Variants in ZCCHC2 observed in about 807,000 individuals in gnomAD.
The protein encoded by ZCCHC2 is zinc finger CCHC domain-containing protein 2.
In ZCCHC2, 39 loss-of-function variants were observed where a neutral mutation model predicts 103.6. The ratio of observed to expected loss-of-function variants is 0.38; its 90% CI spans 0.29 to 0.49. ZCCHC2 has a LOEUF of 0.49. Ranked by LOEUF, ZCCHC2 falls within the 20% of genes least tolerant of loss-of-function variation. The probability of loss-of-function intolerance (pLI) is 0.96; values close to 1 mark genes in which losing one functional copy is unlikely to be tolerated. For synonymous variants in ZCCHC2, 687 were observed against 608.9 expected (o/e 1.13, Z -1.89); for missense variants, 1,483 against 1,491.0 (o/e 0.99, Z 0.09).
At chr18:62,565,468 A>G (rs886469653) in intron 11 of ZCCHC2, among the ~76,000 whole-genome samples, 1 of 152,110 alleles carries the variant, frequency 6.6e-6, no homozygotes, top group African/African-American at 2.4e-5. Context: ...TGTGTAAAGT[A>G]TTTTTTAGAA....
intron 7 of ZCCHC2, among the ~76,000 whole-genome samples, chr18:62,560,024 CAT>C (rs1271268818): frequency 7.9e-5 from 12 of 152,228 alleles, no homozygotes; most frequent in African/African-American, 2.9e-4. Flanking sequence ...TATATTGAAA[CAT>C]GTAACAGCTA....
intron 1 of ZCCHC2, among the ~76,000 whole-genome samples, chr18:62,535,709 C>G (rs1339275398): frequency 6.6e-6 from 1 of 152,196 alleles, no homozygotes; most frequent in Non-Finnish European, 1.5e-5. Context: ...TTTAGAAGAG[C>G]ATCACCACCA....
At chr18:62,555,026 T>C (rs1184912832) in intron 5 of ZCCHC2, among the ~76,000 whole-genome samples, 2 of 152,194 alleles carry the variant, frequency 1.3e-5, no homozygotes, top group East Asian at 3.8e-4. Context: ...TTAAAAGTGT[T>C]CAAAACTAAT....
chr18:62,552,722 T>C (rs974640584), intron 5 of ZCCHC2, among the ~76,000 whole-genome samples: 2 of 151,904 alleles, frequency 1.3e-5, no homozygotes, highest in African/African-American at 4.8e-5. Context: ...ACCCCATCTC[T>C]ACAAAAAAAA....
At chr18:62,583,334 C>A (rs534895191), downstream of ZCCHC2, among the ~76,000 whole-genome samples, 1 of 22,226 alleles carries the variant, frequency 4.5e-5, no homozygotes, top group African/African-American at 6.0e-4. Context: ...TACAGACATG[C>A]CGAGTCATAA....
chr18:62,529,287 A>G (rs1914582253), intron 1 of ZCCHC2, among the ~76,000 whole-genome samples: 1 of 151,954 alleles, frequency 6.6e-6, no homozygotes, highest in East Asian at 1.9e-4. Flanking sequence ...TAAAGTGAAT[A>G]GTGTTGTTGG....
At chr18:62,566,365 AAC>A (rs1302845848) in intron 11 of ZCCHC2, among the ~76,000 whole-genome samples, 1 of 152,242 alleles carries the variant, frequency 6.6e-6, no homozygotes, top group Non-Finnish European at 1.5e-5. Flanking sequence ...AGGATCTTGT[AAC>A]ACTTACTATC....
intron 11 of ZCCHC2, among the ~76,000 whole-genome samples, chr18:62,567,003 T>A (rs990259892): frequency 6.6e-6 from 1 of 152,236 alleles, no homozygotes; most frequent in South Asian, 2.1e-4. Flanking sequence ...TCAAGTGTTA[T>A]GAAAATAACA....
chr18:62,560,565 G>A lies in ZCCHC2; in HGVS notation c.1493-22G>A, dbSNP rs576809776. On this transcript the variant is annotated intron_variant, in intron 7 of 13. Coordinates refer to ENST00000269499, the MANE Select transcript of ZCCHC2 (RefSeq NM_017742.6). ...TTTGCTGCAGCATTTAGTGTAATAAGTTACTTTTTCCTCTCTTCTAGATGT... is the reference window on the plus strand; with the variant it reads ...TTTGCTGCAGCATTTAGTGTAATAAATTACTTTTTCCTCTCTTCTAGATGT... 5.0e-6 allele frequency: 8 copies of A among 1,608,400 alleles called. No individual in the cohort carries two copies. In the East Asian group the frequency reaches 1.3e-4, roughly 27 times the overall value.
chr18:62,533,963 T>A (rs1019221484), intron 1 of ZCCHC2, among the ~76,000 whole-genome samples: 5 of 151,742 alleles, frequency 3.3e-5, no homozygotes, highest in African/African-American at 1.2e-4. Flanking sequence ...TATAAAAAAA[T>A]TTGCAGTTAT....
chr18:62,543,059 G>A (rs79549174), intron 3 of ZCCHC2, among the ~76,000 whole-genome samples: 1 of 152,254 alleles, frequency 6.6e-6, no homozygotes, highest in Non-Finnish European at 1.5e-5. Flanking sequence ...TGAAGACTTT[G>A]CATGTCTTCT....
chr18:62,551,319 T>C (rs1369666422), intron 5 of ZCCHC2: 1 of 152,244 alleles, frequency 6.6e-6, no homozygotes, highest in Non-Finnish European at 1.5e-5. Context: ...CAATAAATTA[T>C]CGTGGTATTG....
At chr18:62,537,278 A>G (rs1011036134) in intron 1 of ZCCHC2, among the ~76,000 whole-genome samples, 7 of 152,130 alleles carry the variant, frequency 4.6e-5, no homozygotes, top group Non-Finnish European at 8.8e-5. Context: ...TCCTGGGCCC[A>G]AGCAGTCCTC....
intron 4 of ZCCHC2, among the ~76,000 whole-genome samples, chr18:62,546,160 G>A (rs565216158): frequency 6.6e-6 from 1 of 152,340 alleles, no homozygotes; most frequent in East Asian, 1.9e-4. Context: ...CCTGTGACAT[G>A]TCAGCTCTGG....
At chr18:62,568,528 A>G (rs1413503152) in intron 11 of ZCCHC2, among the ~76,000 whole-genome samples, 2 of 152,242 alleles carry the variant, frequency 1.3e-5, no homozygotes, top group African/African-American at 2.4e-5. Context: ...GTATATGGCA[A>G]TTCGTGATTA....
chr18:62,536,917 A>C (rs1251518871), intron 1 of ZCCHC2, among the ~76,000 whole-genome samples: 2 of 152,234 alleles, frequency 1.3e-5, no homozygotes, highest in Non-Finnish European at 2.9e-5. Context: ...GAAGCAAACT[A>C]CTTTCATACA....
At chr18:62,551,683 G>C (rs952140813) in intron 5 of ZCCHC2, 1 of 153,244 alleles carries the variant, frequency 6.5e-6, no homozygotes, top group African/African-American at 2.4e-5. Flanking sequence ...GGAGGTCAGC[G>C]TTTGGTTTTG....
Position 62,558,687 on chromosome 18 carries a change from A to G in ZCCHC2, c.1409A>G (p.Asn470Ser), listed in dbSNP as rs1178319208. Residue 470 changes from asparagine (N) to serine (S), a missense_variant and splice_region_variant, in exon 7 of 14, where the codon AAT (asparagine) becomes AGT (serine). Physicochemically the swap from Asn to Ser is conservative, Grantham distance 46 (BLOSUM62 1). Transcript: ENST00000269499. ...SISSDSLHSI[N>S]NLQSSLKTSK... ...TAATAGTATTGAATGCTTCCTGCAG[A>G]TAACTTACAATCCTCTCTGAAGACT... is the stretch of plus-strand genomic sequence containing the variant. 1.3e-6 allele frequency: 2 copies of G among 1,507,872 alleles called. No homozygotes were observed. Among genetic ancestry groups the G allele is most frequent in the African/African-American group, 1.4e-5 (1 of 70,786 alleles). The allele number at this position is 1,507,872 out of a possible 1,614,324, so 93.4% of individuals were successfully genotyped here. A position where few individuals can be genotyped will look rare whatever the true frequency, so the allele number is the denominator to read the frequency against.
At chr18:62,553,985 A>G (rs944096566) in intron 5 of ZCCHC2, among the ~76,000 whole-genome samples, 2 of 152,246 alleles carry the variant, frequency 1.3e-5, no homozygotes, top group African/African-American at 4.8e-5. Context: ...TGTCATGCCT[A>G]GAAAGACCTT....
Sources: allele counts gnomAD v4.1 joint callset (sites outside exome capture counted in the v4.1 genomes callset), GRCh38; gene constraint gnomAD v4.1.1; transcripts MANE v1.5; gene names NCBI Gene and HGNC (gene_info 2026-07-23, HGNC 2026-07-21).